Variants in CST2 observed in about 807,000 individuals in gnomAD.
The protein encoded by CST2 is cystatin-SA.
In CST2, 26 loss-of-function variants were observed where a neutral mutation model predicts 13.4. The ratio of observed to expected loss-of-function variants is 1.95; its 90% CI spans 1.43 to 2.70. CST2 has a LOEUF of 2.70. Ranked by LOEUF, CST2 falls within the 30% of genes most tolerant of loss-of-function variation. The pLI, the probability that CST2 is intolerant of heterozygous loss-of-function variation, is 0.00. For synonymous variants in CST2, 105 were observed against 71.1 expected, an observed-to-expected ratio of 1.48 and a Z score of -2.40; for missense variants, 243 against 173.4, an observed-to-expected ratio of 1.40 and a Z score of -2.25.
chr20:23,826,637 C>T lies in CST2; in HGVS notation c.24G>A (p.Leu8=). 6.2e-7 allele frequency: 1 copy of T among 1,607,786 alleles called. No homozygotes were observed. MAWPLCT[L]LLLLATQAVA... is the part of the protein sequence containing the mutation. Reference sequence around the variant, plus strand: ...CAGCCTGGGTGGCCAGCAGGAGCAGCAGGGTGCACAGGGGCCAGGCCATGG... The same window carrying T: ...CAGCCTGGGTGGCCAGCAGGAGCAGTAGGGTGCACAGGGGCCAGGCCATGG... The change falls in exon 1 of 3, where the codon CTG becomes CTA. Residue 8 remains leucine, a synonymous_variant. Coordinates refer to ENST00000304725, the MANE Select transcript of CST2 (RefSeq NM_001322.3).
Position 23,826,546 on chromosome 20 carries a change from G to C in CST2, c.115C>G (p.Leu39Val). The change falls in exon 1 of 3, where the codon CTC (leucine) becomes GTC (valine). Residue 39 changes from leucine to valine, a missense_variant. Physicochemically the swap from Leu to Val is conservative, Grantham distance 32 (BLOSUM62 1). Coordinates refer to ENST00000304725, the MANE Select transcript of CST2 (RefSeq NM_001322.3). Reference sequence around the variant, plus strand: ...GCACGCTGTACCCGCTCATCATTGAGGTCTGCATCATAGATGCCACCCTCG... The same window carrying C: ...GCACGCTGTACCCGCTCATCATTGACGTCTGCATCATAGATGCCACCCTCG... ...IIEGGIYDAD[L>V]NDERVQRALH... 6.2e-7 allele frequency: 1 copy of C among 1,614,148 alleles called. No individual in the cohort carries two copies.
chr20:23,826,646 CA>C lies in CST2; in HGVS notation c.14del (p.Leu5ArgfsTer25). The C allele has an allele frequency of 3.7e-6, 6 of 1,605,002 alleles. No individual in the cohort carries two copies. The highest frequency in any genetic ancestry group is 2.0e-4 in the Middle Eastern group (1 of 5,106). ...TGGCCAGCAGGAGCAGCAGGGTGCA[CA>C]GGGGCCAGGCCATGGTCTCCTCGGA... MAWP[L>X]CTLLLLLATQ... On this transcript the variant is annotated frameshift_variant, in exon 1 of 3. Transcript: ENST00000304725. LOFTEE classifies it high-confidence loss of function.
chr20:23,825,750 G>T (rs1005855034), intron 1 of CST2, among the ~76,000 whole-genome samples: 2 of 152,200 alleles, frequency 1.3e-5, no homozygotes, highest in South Asian at 4.1e-4. Context: ...CCCGTGCAGG[G>T]TGAGGGTCCC....
Position 23,826,695 on chromosome 20 carries a change from G to T in CST2, c.-35C>A. The T allele has an allele frequency of 4.5e-6, 7 of 1,543,772 alleles. No homozygotes were observed. Among genetic ancestry groups the T allele is most frequent in the Non-Finnish European group, 6.1e-6 (7 of 1,143,722 alleles). ...GGAGGCAGAGCACAGAGCTGGAGCT[G>T]CAGGAGAGGAGGTTGAGAGCCTGAG... On this transcript the variant is annotated 5_prime_UTR_variant, in exon 1 of 3. Transcript: ENST00000304725.
intron 2 of CST2, 98 bp downstream of exon 2, chr20:23,825,112 G>C (rs144788127): frequency 2.9e-6 from 4 of 1,371,028 alleles, no homozygotes; most frequent in Middle Eastern, 2.0e-4. Context: ...ATACCCACCT[G>C]CACACACACA....
intron 2 of CST2, among the ~76,000 whole-genome samples, chr20:23,824,534 A>T (rs1232232447): frequency 6.6e-6 from 1 of 152,174 alleles, no homozygotes; most frequent in Non-Finnish European, 1.5e-5. Flanking sequence ...GGCAATGGTA[A>T]CAAGGGGAGT....
chr20:23,825,004 G>T (rs1018374930), intron 2 of CST2, among the ~76,000 whole-genome samples: 96 of 152,054 alleles, frequency 6.3e-4, no homozygotes, highest in Non-Finnish European at 5.0e-4. Context: ...ACTGGCACAT[G>T]TGTGTACACA....
At position 23,824,024 on chromosome 20, in the gene CST2, G is replaced by A. The variant is rs375585513; in HGVS notation, c.422C>T (p.Ala141Val). The change falls in exon 3 of 3, where the codon GCC (alanine) becomes GTC (valine). Residue 141 changes from alanine to valine, a missense_variant. By Grantham distance (64) the Ala-to-Val change is moderately conservative. Transcript: ENST00000304725. ...GTGACTCCCTGGCACAGATCCCTAG[G>A]CTTCTTGACACCTGGAATTCACCAG... is the stretch of plus-strand genomic sequence containing the variant. Reference protein sequence around the residue: ...MSLVNSRCQEA With the variant: ...MSLVNSRCQEV 4.0e-5 allele frequency: 64 copies of A among 1,614,048 alleles called. No homozygotes were observed. The highest frequency in any genetic ancestry group is 8.0e-5 in the African/African-American group (6 of 75,040).
Position 23,824,033 on chromosome 20 carries a change from C to G in CST2, c.413G>C (p.Cys138Ser), listed in dbSNP as rs751645105. ...TGGCACAGATCCCTAGGCTTCTTGA[C>G]ACCTGGAATTCACCAGGGACATTCT... is the stretch of plus-strand genomic sequence containing the variant. Reference protein sequence around the residue: ...EDRMSLVNSRCQEA With the variant: ...EDRMSLVNSRSQEA The change falls in exon 3 of 3, where the codon TGT becomes TCT. Residue 138 changes from cysteine (C) to serine (S), a missense_variant. By Grantham distance (112) the Cys-to-Ser change is moderately radical. Transcript: ENST00000304725. 4.3e-6 allele frequency: 7 copies of G among 1,613,964 alleles called. No homozygotes were observed. Among genetic ancestry groups the G allele is most frequent in the Non-Finnish European group, 5.9e-6 (7 of 1,179,964 alleles).
intron 1 of CST2, among the ~76,000 whole-genome samples, chr20:23,825,916 G>A (rs1409792442): frequency 6.6e-6 from 1 of 152,180 alleles, no homozygotes; most frequent in African/African-American, 2.4e-5. Context: ...GCTCTCTCTT[G>A]ACCTGACACC....
At chr20:23,826,149 G>A (rs1313352948) in intron 1 of CST2, among the ~76,000 whole-genome samples, 10 of 152,182 alleles carry the variant, frequency 6.6e-5, no homozygotes, top group Admixed American at 1.3e-4. Flanking sequence ...AACAGGAAGC[G>A]AAGTTCCTGT....
At position 23,825,202 on chromosome 20, in the gene CST2, G is replaced by C; in HGVS notation, c.342+8C>G. The C allele has an allele frequency of 6.2e-7, 1 of 1,614,122 alleles. No individual in the cohort carries two copies. Among genetic ancestry groups the C allele is most frequent in the Non-Finnish European group, 8.5e-7 (1 of 1,180,010 alleles). ...ATGACTGGCCTGGGACCCGCATCAG[G>C]AACGTACCTTCTGCAGTTCTGGCTG... On this transcript the variant is annotated splice_region_variant and intron_variant, in intron 2 of 2. Transcript: ENST00000304725.
intron 2 of CST2, 139 bp downstream of exon 2, chr20:23,825,071 T>C (rs1215903995): frequency 2.2e-5 from 27 of 1,216,556 alleles, no homozygotes; most frequent in Non-Finnish European, 3.1e-5. Context: ...TACATGAACA[T>C]GTATACATCC....
At position 23,823,974 on chromosome 20, in the gene CST2, G is replaced by A; in HGVS notation, c.*46C>T. ...CAGTCCAGGGGTGGGAGCACTACAA[G>A]GGGTGGGAGTAGGAGGTGGTCAGTG... On this transcript the variant is annotated 3_prime_UTR_variant, in exon 3 of 3. Coordinates refer to ENST00000304725, the MANE Select transcript of CST2 (RefSeq NM_001322.3). The A allele has an allele frequency of 6.2e-7, 1 of 1,601,866 alleles. No homozygotes were observed. The highest frequency in any genetic ancestry group is 8.6e-7 in the Non-Finnish European group (1 of 1,169,440).
rs763117661 is a variant in CST2, at chr20:23,826,515, T to A, written c.146A>T (p.His49Leu). ...CTTGTTATACTCGCTGATGACAAAG[T>A]GAAGGGCACGCTGTACCCGCTCATC... is the stretch of plus-strand genomic sequence containing the variant. ...LNDERVQRALHFVISEYNKAT... is the reference protein window; with the variant it reads ...LNDERVQRALLFVISEYNKAT... The change falls in exon 1 of 3, where the codon CAC becomes CTC. Residue 49 changes from histidine to leucine, a missense_variant. By Grantham distance (99) the His-to-Leu change is moderately conservative (BLOSUM62 -3). Coordinates refer to ENST00000304725, the MANE Select transcript of CST2 (RefSeq NM_001322.3). 57 of 1,614,106 alleles carry A rather than the reference T, an allele frequency of 3.5e-5. 1 individual carries two copies. Among genetic ancestry groups the A allele is most frequent in the Middle Eastern group, 3.3e-4 (2 of 6,062 alleles).
intron 1 of CST2, 60 bp from the exon 2 acceptor site, chr20:23,825,383 G>C: frequency 5.1e-6 from 8 of 1,568,022 alleles, no homozygotes; most frequent in Non-Finnish European, 7.0e-6. Flanking sequence ...TGCACTCACA[G>C]GCACTTCACT....
chr20:23,825,033 C>A (rs1334914376), intron 2 of CST2, among the ~76,000 whole-genome samples, 177 bp downstream of exon 2: 1 of 152,052 alleles, frequency 6.6e-6, no homozygotes, highest in East Asian at 1.9e-4. Context: ...TTTCCACATG[C>A]ACATCTACAT....
chr20:23,826,496 A>T lies in CST2; in HGVS notation c.165T>A (p.Tyr55Ter). The change falls in exon 1 of 3, where the codon TAT becomes TAA. Residue 55 changes from tyrosine to a stop codon, truncating the protein, a stop_gained. Transcript: ENST00000304725. LOFTEE classifies it high-confidence loss of function. ...QRALHFVISEYNKATEDEYYR... is the reference protein window; with the variant it reads ...QRALHFVISE ...AGTACTCATCTTCAGTGGCCTTGTT[A>T]TACTCGCTGATGACAAAGTGAAGGG... 6.2e-7 allele frequency: 1 copy of T among 1,614,124 alleles called. No individual in the cohort carries two copies. The highest frequency in any genetic ancestry group is 8.5e-7 in the Non-Finnish European group (1 of 1,180,022).
chr20:23,826,569 T>C lies in CST2; in HGVS notation c.92A>G (p.Glu31Gly), dbSNP rs779875314. Residue 31 changes from glutamate to glycine, a missense_variant, in exon 1 of 3, where the codon GAG (glutamate) becomes GGG (glycine). Physicochemically the swap from Glu to Gly is moderately conservative, Grantham distance 98 (BLOSUM62 -2). Coordinates refer to ENST00000304725, the MANE Select transcript of CST2 (RefSeq NM_001322.3). ...GAGGTCTGCATCATAGATGCCACCC[T>C]CGATTATCCTGTCCTCCTCCTGGGG... ...WSPQEEDRIIEGGIYDADLND... is the reference protein window; with the variant it reads ...WSPQEEDRIIGGGIYDADLND... 4.3e-6 allele frequency: 7 copies of C among 1,614,038 alleles called. No homozygotes were observed. In the South Asian group the frequency reaches 7.7e-5, roughly 18 times the overall value.
Sources: allele counts gnomAD v4.1 joint callset (sites outside exome capture counted in the v4.1 genomes callset), GRCh38; gene constraint gnomAD v4.1.1; transcripts MANE v1.5; gene names NCBI Gene and HGNC (gene_info 2026-07-23, HGNC 2026-07-21).